The following SETDB2 variants were observed in gnomAD, a reference collection of about 807,000 sequenced individuals.
SETDB2 encodes histone-lysine N-methyltransferase SETDB2.
A neutral mutation model predicts 82.5 loss-of-function variants in SETDB2; 56 were observed. The ratio of observed to expected loss-of-function variants is 0.68; its 90% CI spans 0.55 to 0.85. The LOEUF (loss-of-function observed/expected upper bound fraction) is 0.85. Ranked by LOEUF, SETDB2 falls within the 40% of genes least tolerant of loss-of-function variation. SETDB2 has a pLI of 0.00. For synonymous variants in SETDB2, 272 were observed against 284.9 expected (o/e 0.95, Z 0.46); for missense variants, 677 against 816.4 (o/e 0.83, Z 2.08).
chr13:49,490,413 A>C (rs969931448), intron 12 of SETDB2, among the ~76,000 whole-genome samples: 1 of 152,152 alleles, frequency 6.6e-6, no homozygotes, highest in East Asian at 1.9e-4. Flanking sequence ...TATTTAACCA[A>C]TCTGCTTTAG....
At chr13:49,469,911 TTTG>T (rs1266461828) in intron 5 of SETDB2, among the ~76,000 whole-genome samples, 2 of 152,232 alleles carry the variant, frequency 1.3e-5, no homozygotes, top group Non-Finnish European at 2.9e-5. Context: ...CTTCCTTCTC[TTTG>T]TTATCAGTTA....
At chr13:49,466,900 C>T (rs551217353) in intron 4 of SETDB2, among the ~76,000 whole-genome samples, 2 of 146,760 alleles carry the variant, frequency 1.4e-5, no homozygotes, top group East Asian at 4.1e-4. Flanking sequence ...AAGTAATCTT[C>T]CCACTTTATC....
chr13:49,474,261 C>CT lies in SETDB2; in HGVS notation c.306-2214dup, dbSNP rs780025156. 6.3e-4 allele frequency among the ~76,000 whole-genome samples: 92 copies of CT among 146,324 alleles called. 1 individual carries two copies. In the Middle Eastern group the frequency reaches 0.017, roughly 27 times the overall value. On this transcript the variant is annotated intron_variant, in intron 5 of 13. Transcript: ENST00000611815. ...TGGGCAATAGATTGAAACTCACTCT[C>CT]TCTCAAAAAAAAAAGATTTCTAAAT... is the stretch of plus-strand genomic sequence containing the variant.
At position 49,455,775 on chromosome 13, in the gene SETDB2, T is replaced by TAA. The variant is rs543145116; in HGVS notation, c.16+3874_16+3875dup. 1.6e-3 allele frequency among the ~76,000 whole-genome samples: 240 copies of TAA among 149,214 alleles called. 1 individual carries two copies. Among genetic ancestry groups the TAA allele is most frequent in the African/African-American group, 5.6e-3 (227 of 40,190 alleles). ...CTTTTAAGTAAAAATGGTTTTCATTTAAAAAAAAACAAAAAAAAACTAGAT... is the reference window on the plus strand; with the variant it reads ...CTTTTAAGTAAAAATGGTTTTCATTTAAAAAAAAAAACAAAAAAAAACTAGAT... On this transcript the variant is annotated intron_variant, in intron 2 of 13. Transcript: ENST00000611815.
rs1016770850 is a variant in SETDB2, at chr13:49,451,540, G to A, written c.-341-13G>A. On this transcript the variant is annotated splice_polypyrimidine_tract_variant and intron_variant, in intron 1 of 13. Transcript: ENST00000611815. ...TTACAAATATGCACTATTCTTTATTGTTTTCCTTACAGAATGTTTCATCCA... is the reference window on the plus strand; with the variant it reads ...TTACAAATATGCACTATTCTTTATTATTTTCCTTACAGAATGTTTCATCCA... 1 of 139,232 alleles carries A rather than the reference G, an allele frequency of 7.2e-6. No homozygotes were observed. Among genetic ancestry groups the A allele is most frequent in the African/African-American group, 2.7e-5 (1 of 37,454 alleles). 8.6% of individuals were successfully genotyped at this position (139,232 alleles called of 1,614,324 possible). A position where few individuals can be genotyped will look rare whatever the true frequency, so the allele number is the denominator to read the frequency against.
chr13:49,447,820 CT>C (rs1957719686), intron 1 of SETDB2, among the ~76,000 whole-genome samples: 1 of 151,850 alleles, frequency 6.6e-6, no homozygotes, highest in South Asian at 2.1e-4. Flanking sequence ...GAGTTTTTTT[CT>C]TGCATGTCAA....
In SETDB2 at chr13:49,482,729, C is replaced by T. The variant is rs1391464011; in HGVS notation, c.1157-8C>T. Reference sequence around the variant, plus strand: ...TGTTGTTCAAACTCTTTAACATTTTCCTTTTAGGAAGATTACTAAGCAGAG... The same window carrying T: ...TGTTGTTCAAACTCTTTAACATTTTTCTTTTAGGAAGATTACTAAGCAGAG... On this transcript the variant is annotated splice_polypyrimidine_tract_variant and splice_region_variant and intron_variant, in intron 8 of 13. Transcript: ENST00000611815. 1 of 1,573,066 alleles carries T rather than the reference C, an allele frequency of 6.4e-7. No individual in the cohort carries two copies. Among genetic ancestry groups the T allele is most frequent in the South Asian group, 1.1e-5 (1 of 88,496 alleles).
intron 1 of SETDB2, among the ~76,000 whole-genome samples, chr13:49,450,083 A>G (rs907160846): frequency 2.0e-5 from 3 of 152,170 alleles, no homozygotes; most frequent in Non-Finnish European, 4.4e-5. Flanking sequence ...TTCCTTTTAG[A>G]TAATCTACAT....
intron 5 of SETDB2, among the ~76,000 whole-genome samples, chr13:49,471,261 GC>G (rs1224434878): frequency 2.0e-5 from 3 of 151,872 alleles, no homozygotes; most frequent in Admixed American, 2.0e-4. Flanking sequence ...ACAGGCATGA[GC>G]CACCACACCC....
Position 49,460,125 on chromosome 13 carries a change from G to A in SETDB2, c.35G>A (p.Trp12Ter). Residue 12 changes from tryptophan to a stop codon, truncating the protein, a stop_gained, in exon 3 of 14, where the codon TGG becomes TAG. Coordinates refer to ENST00000611815, the MANE Select transcript of SETDB2 (RefSeq NM_001160308.3). LOFTEE classifies it high-confidence loss of function. ...ATTTTAGGCGATGCAAAAACTTTCT[G>A]GATGGAGCTAGAAGATGATGGAAAA... is the stretch of plus-strand genomic sequence containing the variant. Reference protein sequence around the residue: ...GEKNGDAKTFWMELEDDGKVD... With the variant: ...GEKNGDAKTF 1 of 1,612,304 alleles carries A rather than the reference G, an allele frequency of 6.2e-7. No individual in the cohort carries two copies. The highest frequency in any genetic ancestry group is 8.5e-7 in the Non-Finnish European group (1 of 1,179,248).
In SETDB2 at chr13:49,481,091, A is replaced by T; in HGVS notation, c.1131A>T (p.Arg377Ser). The change falls in exon 8 of 14, where the codon AGA (arginine) becomes AGT (serine). Residue 377 changes from arginine to serine, a missense_variant. Transcript: ENST00000611815. The stretch of plus-strand genomic sequence containing the variant: ...TACGCTGTCTAGATGACATTGACAG[A>T]GGGACATTTGTTTGCATTTATTCAG... The part of the protein sequence containing the change: ...WGVRCLDDID[R>S]GTFVCIYSGR... 1 of 1,613,318 alleles carries T rather than the reference A, an allele frequency of 6.2e-7. No homozygotes were observed. The highest frequency in any genetic ancestry group is 8.5e-7 in the Non-Finnish European group (1 of 1,179,626).
chr13:49,471,936 T>TGTATATATATATATA (rs71664753), intron 5 of SETDB2, among the ~76,000 whole-genome samples: 2 of 95,828 alleles, frequency 2.1e-5, no homozygotes, highest in African/African-American at 1.1e-4. Context: ...ATATATATAT[T>TGTATATATATATATA]TTTTTTTTTT....
intron 13 of SETDB2, among the ~76,000 whole-genome samples, chr13:49,491,307 T>C (rs146618650): frequency 3.6e-4 from 55 of 152,376 alleles, no homozygotes; most frequent in African/African-American, 1.3e-3. Context: ...AATAAGATTT[T>C]GCACACCTGA....
chr13:49,456,177 C>CT (rs764044237), intron 2 of SETDB2, among the ~76,000 whole-genome samples: 11 of 152,100 alleles, frequency 7.2e-5, no homozygotes, highest in Non-Finnish European at 1.3e-4. Context: ...TCAAAGATAC[C>CT]TTAGAGTTCC....
Position 49,481,115 on chromosome 13 carries a change from A to G in SETDB2, c.1155A>G (p.Ser385=), listed in dbSNP as rs748813523. Reference sequence around the variant, plus strand: ...GAGGGACATTTGTTTGCATTTATTCAGGTAAAGCAAAAGTTTATTTTCAAA... The same window carrying G: ...GAGGGACATTTGTTTGCATTTATTCGGGTAAAGCAAAAGTTTATTTTCAAA... ...IDRGTFVCIY[S]GRLLSRANTE... is the part of the protein sequence containing the mutation. Residue 385 remains serine (S), a splice_region_variant and synonymous_variant, in exon 8 of 14, where the codon TCA becomes TCG. Coordinates refer to ENST00000611815, the MANE Select transcript of SETDB2 (RefSeq NM_001160308.3). The G allele has an allele frequency of 6.2e-7, 1 of 1,605,718 alleles. No individual in the cohort carries two copies. Among genetic ancestry groups the G allele is most frequent in the Non-Finnish European group, 8.5e-7 (1 of 1,176,964 alleles).
chr13:49,480,118 T>A, intron 6 of SETDB2, 101 bp from the exon 7 acceptor site: 1 of 751,228 alleles, frequency 1.3e-6, no homozygotes, highest in South Asian at 1.8e-5. Context: ...TTCTAAATGC[T>A]ATTACATCTT....
intron 1 of SETDB2, among the ~76,000 whole-genome samples, chr13:49,446,188 T>C (rs1957682602): frequency 6.6e-6 from 1 of 152,230 alleles, no homozygotes; most frequent in Non-Finnish European, 1.5e-5. Flanking sequence ...CATTTATATA[T>C]ACTTAATTTT....
rs746625083 is a variant in SETDB2, at chr13:49,477,063, C to G, written c.869+24C>G. 3.9e-6 allele frequency: 6 copies of G among 1,533,398 alleles called. No homozygotes were observed. In the South Asian group the frequency reaches 7.5e-5, roughly 19 times the overall value. 95.0% of individuals were successfully genotyped at this position (1,533,398 alleles called of 1,614,324 possible). A position where few individuals can be genotyped will look rare whatever the true frequency, so the allele number is the denominator to read the frequency against. On this transcript the variant is annotated intron_variant, in intron 6 of 13. Coordinates refer to ENST00000611815, the MANE Select transcript of SETDB2 (RefSeq NM_001160308.3). The stretch of plus-strand genomic sequence containing the variant: ...ATGTGAGTAGAAAAACATGGCGTTT[C>G]AAAAAAATCTTCTGAATGTAAGGAC...
At position 49,493,958 on chromosome 13, in the gene SETDB2, G is replaced by A. The variant is rs1594190349; in HGVS notation, c.*2109G>A. On this transcript the variant is annotated 3_prime_UTR_variant, in exon 14 of 14. Transcript: ENST00000611815. ...TCATCCTTTGTACTAGGTGCCTGGT[G>A]GGATCATTCCGTCTGAAACTAATGA... 5.9e-5 allele frequency: 9 copies of A among 152,288 alleles called. 1 individual carries two copies. In the South Asian group the frequency reaches 1.9e-3, roughly 32 times the overall value. The allele number at this position is 152,288 out of a possible 1,614,324, so 9.4% of individuals were successfully genotyped here.
Sources: allele counts gnomAD v4.1 joint callset (sites outside exome capture counted in the v4.1 genomes callset), GRCh38; gene constraint gnomAD v4.1.1; transcripts MANE v1.5; gene names NCBI Gene and HGNC (gene_info 2026-07-23, HGNC 2026-07-21).